The following CFAP20DC variants were observed in gnomAD, a reference collection of about 807,000 sequenced individuals.
The protein encoded by CFAP20DC is CFAP20 domain containing.
Under a neutral mutation model 101.7 loss-of-function variants are expected in CFAP20DC, and 84 were observed. That is an observed-to-expected ratio of 0.83 (90% CI 0.69 to 0.99). The LOEUF is 0.99. Among genes scored for constraint, CFAP20DC ranks in the 50% least tolerant of loss-of-function variants. CFAP20DC has a pLI of 0.00. For missense variants in CFAP20DC, 1,007 were observed against 970.3 expected (o/e 1.04, Z -0.50); for synonymous variants, 359 against 351.2 (o/e 1.02, Z -0.25).
At chr3:58,718,795 T>A (rs2067430496) in intron 3 of CFAP20DC, among the ~76,000 whole-genome samples, 1 of 152,226 alleles carries the variant, frequency 6.6e-6, no homozygotes, top group Non-Finnish European at 1.5e-5. Flanking sequence ...GCTCTTGGTA[T>A]GCTAAGGAAA....
At chr3:58,895,937 A>G (rs1432654752) in intron 6 of CFAP20DC, among the ~76,000 whole-genome samples, 1 of 152,200 alleles carries the variant, frequency 6.6e-6, no homozygotes, top group African/African-American at 2.4e-5. Context: ...ATTCGCTATT[A>G]CAAGAACAGC....
intron 4 of CFAP20DC, among the ~76,000 whole-genome samples, chr3:59,027,814 C>T (rs1210514834): frequency 6.6e-6 from 1 of 152,168 alleles, no homozygotes; most frequent in Non-Finnish European, 1.5e-5. Flanking sequence ...GCAAACCACA[C>T]AGGGAAGCCA....
chr3:58,753,907 T>C (rs2068743221), intron 15 of CFAP20DC, 44 bp from the exon 16 acceptor site: 6 of 1,353,716 alleles, frequency 4.4e-6, no homozygotes, highest in Non-Finnish European at 6.2e-6. Context: ...GAATTCCATA[T>C]ATAGATTTTA....
intron 12 of CFAP20DC, among the ~76,000 whole-genome samples, chr3:58,856,322 T>C (rs2078823487): frequency 1.6e-5 from 2 of 126,828 alleles, no homozygotes; most frequent in African/African-American, 5.4e-5. Flanking sequence ...ACATAACTGA[T>C]GGAGATACTT....
At chr3:59,013,342 A>G (rs773232991) in intron 4 of CFAP20DC, among the ~76,000 whole-genome samples, 1 of 152,188 alleles carries the variant, frequency 6.6e-6, no homozygotes. Flanking sequence ...TGATCCAACT[A>G]CTAAGAGACA....
chr3:58,838,509 C>G (rs2076890055), intron 13 of CFAP20DC, among the ~76,000 whole-genome samples: 1 of 152,118 alleles, frequency 6.6e-6, no homozygotes, highest in Admixed American at 6.6e-5. Flanking sequence ...CAATTGGTGG[C>G]AAAATTCCTT....
chr3:58,899,321 C>T lies in CFAP20DC; in HGVS notation c.550+14387G>A, dbSNP rs1199145820. Among the ~76,000 whole-genome samples, 2 of 152,194 alleles carry T rather than the reference C, an allele frequency of 1.3e-5. No individual in the cohort carries two copies. Among genetic ancestry groups the T allele is most frequent in the African/African-American group, 4.8e-5 (2 of 41,458 alleles). ...GTTGCCTAAACCACAGAGATGTTGG[C>T]CACCCCTCCCACTGGGGACTCGGTC... On this transcript the variant is annotated intron_variant, in intron 6 of 16. Coordinates refer to ENST00000482387, the MANE Select transcript of CFAP20DC (RefSeq NM_001394063.1). The surrounding 1 kb of genome is among the most constrained non-coding windows in gnomAD (Gnocchi z 5.0).
At chr3:58,841,103 T>C (rs142417424) in intron 13 of CFAP20DC, among the ~76,000 whole-genome samples, 2 of 152,334 alleles carry the variant, frequency 1.3e-5, no homozygotes, top group East Asian at 1.9e-4. Flanking sequence ...TGGTAGAAAC[T>C]GCCAAAGGAG....
chr3:59,012,998 T>G (rs576348836), intron 4 of CFAP20DC, among the ~76,000 whole-genome samples: 6 of 152,176 alleles, frequency 3.9e-5, no homozygotes, highest in Admixed American at 2.0e-4. Flanking sequence ...ACGCATAATT[T>G]CATGAAGACT....
downstream of CFAP20DC, among the ~76,000 whole-genome samples, chr3:58,740,708 T>C (rs1452677331): frequency 6.6e-6 from 1 of 152,162 alleles, no homozygotes; most frequent in Non-Finnish European, 1.5e-5. This position sits in a 1 kb window ranked among gnomAD's most constrained non-coding sequence, Gnocchi z 4.6. Flanking sequence ...ATCTAGCTCA[T>C]GTTGTTTTTG....
At position 58,899,372 on chromosome 3, in the gene CFAP20DC, G is replaced by A. The variant is rs993011022; in HGVS notation, c.550+14336C>T. On this transcript the variant is annotated intron_variant, in intron 6 of 16. Coordinates refer to ENST00000482387, the MANE Select transcript of CFAP20DC (RefSeq NM_001394063.1). This position sits in a 1 kb window ranked among gnomAD's most constrained non-coding sequence, Gnocchi z 5.0. Reference sequence around the variant, plus strand: ...CTTCTCAGGCAGACTCAAGCCTGCTGCTGCTGACTGGCTGGAATTTGCCAT... The same window carrying A: ...CTTCTCAGGCAGACTCAAGCCTGCTACTGCTGACTGGCTGGAATTTGCCAT... Among the ~76,000 whole-genome samples the A allele has an allele frequency of 1.3e-5, 2 of 152,326 alleles. No individual in the cohort carries two copies. The highest frequency in any genetic ancestry group is 2.1e-4 in the South Asian group (1 of 4,826).
chr3:58,775,103 T>A (rs2071202946), intron 15 of CFAP20DC, among the ~76,000 whole-genome samples: 1 of 152,086 alleles, frequency 6.6e-6, no homozygotes, highest in Non-Finnish European at 1.5e-5. Context: ...GTGTCCAAGG[T>A]GGTCGGGGCA....
At chr3:58,780,482 T>A (rs750027000) in intron 15 of CFAP20DC, among the ~76,000 whole-genome samples, 1 of 151,976 alleles carries the variant, frequency 6.6e-6, no homozygotes, top group South Asian at 2.1e-4. Flanking sequence ...TGTTTCCATT[T>A]AAAAGGTATA....
At chr3:59,026,007 C>T (rs1560012551) in intron 4 of CFAP20DC, among the ~76,000 whole-genome samples, 1 of 152,058 alleles carries the variant, frequency 6.6e-6, no homozygotes, top group Non-Finnish European at 1.5e-5. Flanking sequence ...ATACCTACCA[C>T]ATATGTTATC....
intron 5 of CFAP20DC, among the ~76,000 whole-genome samples, chr3:58,927,501 G>T (rs1317413215): frequency 6.6e-6 from 1 of 152,206 alleles, no homozygotes; most frequent in Non-Finnish European, 1.5e-5. Flanking sequence ...TTAGAAGTGT[G>T]CCATTACTAC....
intron 13 of CFAP20DC, among the ~76,000 whole-genome samples, chr3:58,848,270 C>T (rs2077898928): frequency 6.6e-6 from 1 of 152,022 alleles, no homozygotes; most frequent in African/African-American, 2.4e-5. Context: ...ATATCTACTA[C>T]CTACACCAGG....
chr3:58,777,043 A>G (rs1265654833), intron 15 of CFAP20DC, among the ~76,000 whole-genome samples: 3 of 149,940 alleles, frequency 2.0e-5, no homozygotes, highest in Non-Finnish European at 4.4e-5. Context: ...TTCCTAAGAA[A>G]GAGAGCTATT....
At chr3:58,849,709 G>A (rs1338358908) in intron 12 of CFAP20DC, among the ~76,000 whole-genome samples, 4 of 152,094 alleles carry the variant, frequency 2.6e-5, no homozygotes, top group African/African-American at 9.7e-5. Context: ...TCCAAAAAAT[G>A]TCTAAAAGAA....
intron 4 of CFAP20DC, among the ~76,000 whole-genome samples, chr3:58,962,657 T>A (rs1048630607): frequency 1.4e-4 from 22 of 152,194 alleles, no homozygotes; most frequent in Non-Finnish European, 1.8e-4. Context: ...CCCTTGCTGA[T>A]GGATCTATGC....
Sources: allele counts gnomAD v4.1 joint callset (sites outside exome capture counted in the v4.1 genomes callset), GRCh38; gene constraint gnomAD v4.1.1; non-coding constraint Gnocchi (gnomAD v3.1); transcripts MANE v1.5; gene names NCBI Gene and HGNC (gene_info 2026-07-23, HGNC 2026-07-21).